The following MUSK variants were observed in gnomAD, a reference collection of about 807,000 sequenced individuals.
MUSK encodes the protein muscle associated receptor tyrosine kinase.
In MUSK, 55 loss-of-function variants were observed where a neutral mutation model predicts 88.7. The ratio of observed to expected loss-of-function variants is 0.62; its 90% confidence interval spans 0.50 to 0.78. MUSK has a LOEUF of 0.78. Among genes scored for constraint, MUSK ranks in the 30% least tolerant of loss-of-function variants. The pLI, the probability that MUSK is intolerant of heterozygous loss-of-function variation, is 0.00. For missense variants in MUSK, 1,015 were observed against 1,074.3 expected (o/e 0.94, Z 0.77); for synonymous variants, 387 against 391.9 (o/e 0.99, Z 0.15).
chr9:110,774,115 T>G (rs927497842), intron 9 of MUSK, among the ~76,000 whole-genome samples: 15 of 152,336 alleles, frequency 9.8e-5, no homozygotes, highest in African/African-American at 3.4e-4. Flanking sequence ...TTTGAACTTC[T>G]TACTTGCTCC....
At chr9:110,754,263 C>G (rs1001201498) in intron 7 of MUSK, among the ~76,000 whole-genome samples, 2 of 152,144 alleles carry the variant, frequency 1.3e-5, no homozygotes, top group Non-Finnish European at 2.9e-5. Context: ...AATCAGGCAG[C>G]TTTCTTATAT....
At chr9:110,752,125 G>A (rs1254310531) in intron 7 of MUSK, among the ~76,000 whole-genome samples, 1 of 152,046 alleles carries the variant, frequency 6.6e-6, no homozygotes, top group Admixed American at 6.5e-5. Context: ...ACCTAATAAG[G>A]GTGTGTCATG....
intron 6 of MUSK, among the ~76,000 whole-genome samples, chr9:110,739,086 C>A (rs2077064153): frequency 6.6e-6 from 1 of 152,092 alleles, no homozygotes; most frequent in South Asian, 2.1e-4. Context: ...TTGGAGCTGC[C>A]AGACATCCTT....
intron 5 of MUSK, among the ~76,000 whole-genome samples, chr9:110,721,619 C>T (rs1184990018): frequency 2.6e-5 from 4 of 152,074 alleles, no homozygotes; most frequent in African/African-American, 4.8e-5. Flanking sequence ...AAACACATCC[C>T]GTGCTCATAG....
intron 3 of MUSK, among the ~76,000 whole-genome samples, chr9:110,689,160 A>G (rs2076243940): frequency 8.6e-6 from 1 of 115,716 alleles, no homozygotes; most frequent in Non-Finnish European, 1.6e-5. Flanking sequence ...TATATAAAAT[A>G]TAAATAAACT....
intron 9 of MUSK, among the ~76,000 whole-genome samples, chr9:110,770,693 T>C (rs935486824): frequency 2.0e-5 from 3 of 151,318 alleles, no homozygotes; most frequent in Non-Finnish European, 4.4e-5. Context: ...TATGCCATTC[T>C]TTTTATGTAG....
In MUSK at chr9:110,767,966, G is replaced by C. The variant is rs780387236; in HGVS notation, c.1067G>C (p.Trp356Ser). The C allele has an allele frequency of 6.2e-7, 1 of 1,613,940 alleles. No individual in the cohort carries two copies. The highest frequency in any genetic ancestry group is 8.5e-7 in the Non-Finnish European group (1 of 1,179,872). ...EAQELLVHTAWNELKVVSPVC... is the reference protein window; with the variant it reads ...EAQELLVHTASNELKVVSPVC... ...CAAGAGCTACTGGTCCACACGGCCT[G>C]GAATGAACTGAAAGTAGTGAGCCCA... The change falls in exon 9 of 15, where the codon TGG (tryptophan) becomes TCG (serine). Residue 356 changes from tryptophan to serine, a missense_variant. Trp to Ser is a radical substitution (Grantham distance 177, BLOSUM62 -3). Coordinates refer to ENST00000374448, the MANE Select transcript of MUSK (RefSeq NM_005592.4).
intron 3 of MUSK, among the ~76,000 whole-genome samples, chr9:110,689,184 A>T (rs1223800773): frequency 5.4e-5 from 3 of 55,520 alleles, no homozygotes; most frequent in African/African-American, 1.6e-4. Flanking sequence ...TATTTATATA[A>T]ATATATCATA....
intron 14 of MUSK, among the ~76,000 whole-genome samples, chr9:110,789,890 T>TAGA (rs1393151986): frequency 5.9e-5 from 9 of 152,184 alleles, no homozygotes; most frequent in Admixed American, 2.6e-4. Context: ...AAGGATGATC[T>TAGA]GGTTAGACAT....
At chr9:110,681,039 TATA>T (rs2076109304) in intron 1 of MUSK, among the ~76,000 whole-genome samples, 1 of 43,892 alleles carries the variant, frequency 2.3e-5, no homozygotes, top group Admixed American at 3.0e-4. Flanking sequence ...TTATATATTA[TATA>T]ATATATATTA....
At chr9:110,713,434 A>G (rs2076702366) in intron 5 of MUSK, among the ~76,000 whole-genome samples, 1 of 151,918 alleles carries the variant, frequency 6.6e-6, no homozygotes, top group Non-Finnish European at 1.5e-5. Flanking sequence ...TAATTCTTGT[A>G]TTTTTAGTGG....
intron 8 of MUSK, among the ~76,000 whole-genome samples, chr9:110,766,759 T>C (rs2077491282): frequency 6.6e-6 from 1 of 152,238 alleles, no homozygotes; most frequent in Non-Finnish European, 1.5e-5. Flanking sequence ...ATTCGATAGT[T>C]GTACAAATCT....
intron 4 of MUSK, among the ~76,000 whole-genome samples, chr9:110,696,176 C>T (rs933850720): frequency 3.3e-5 from 5 of 151,988 alleles, no homozygotes; most frequent in African/African-American, 1.2e-4. Flanking sequence ...ACTCAGGAGG[C>T]TGAGGCAGGA....
chr9:110,722,546 A>T (rs984255310), intron 5 of MUSK, among the ~76,000 whole-genome samples: 1 of 152,022 alleles, frequency 6.6e-6, no homozygotes, highest in Non-Finnish European at 1.5e-5. Context: ...AAAAAAAAAA[A>T]CATGGGACTT....
chr9:110,732,839 T>C (rs897248791), intron 5 of MUSK, among the ~76,000 whole-genome samples: 1 of 152,060 alleles, frequency 6.6e-6, no homozygotes, highest in Non-Finnish European at 1.5e-5. Context: ...AATATCAATA[T>C]CAAAAGATAG....
At chr9:110,709,912 A>T (rs939746966) in intron 5 of MUSK, among the ~76,000 whole-genome samples, 5 of 152,186 alleles carry the variant, frequency 3.3e-5, no homozygotes, top group African/African-American at 1.2e-4. Context: ...TGGGAGGCTG[A>T]GGCAGGAGGA....
intron 5 of MUSK, among the ~76,000 whole-genome samples, chr9:110,699,623 GT>G (rs112767034): frequency 1.4e-4 from 21 of 151,348 alleles, no homozygotes; most frequent in African/African-American, 2.9e-4. Flanking sequence ...CTCAGAACAA[GT>G]TTTTTTTTAA....
At chr9:110,797,149 ATGCATG>A (rs2078016501) in intron 14 of MUSK, among the ~76,000 whole-genome samples, 2 of 108,356 alleles carry the variant, frequency 1.8e-5, no homozygotes, top group Admixed American at 1.0e-4. Flanking sequence ...TAAAAAATAA[ATGCATG>A]AATACCCAAA....
chr9:110,716,968 TC>T lies in MUSK; in HGVS notation c.629-17281del, dbSNP rs545303178. The stretch of plus-strand genomic sequence containing the variant: ...CACATTTTTCCTTTGTTTTGTGTTT[TC>T]CTGTGCTCTTTGTTTGGTATTCTTC... On this transcript the variant is annotated intron_variant, in intron 5 of 14. Transcript: ENST00000374448. Among the ~76,000 whole-genome samples, 88 of 150,032 alleles carry T rather than the reference TC, an allele frequency of 5.9e-4. 8 individuals carry two copies. The highest frequency in any genetic ancestry group is 2.2e-3 in the African/African-American group (87 of 39,684).
Sources: gnomAD v4.1 joint callset for allele counts (sites outside exome capture counted in the v4.1 genomes callset) on GRCh38, gnomAD v4.1.1 for gene constraint, MANE v1.5 for transcripts, NCBI Gene and HGNC (gene_info 2026-07-23, HGNC 2026-07-21) for gene names.